BRINP3: variants seen among roughly 807,000 people sequenced by gnomAD.
BRINP3 encodes the protein BMP/retinoic acid-inducible neural-specific protein 3.
In BRINP3, 19 loss-of-function variants were observed where a neutral mutation model predicts 71.0. The observed-to-expected ratio is 0.27, with a 90% CI of 0.19 to 0.39. BRINP3 has a LOEUF of 0.39. BRINP3 is among the 10% of genes least tolerant of loss of function. The pLI is 1.00. For missense variants in BRINP3, 959 were observed against 940.8 expected, an observed-to-expected ratio of 1.02 and a Z score of -0.25; for synonymous variants, 380 against 337.7, an observed-to-expected ratio of 1.13 and a Z score of -1.37.
intron 6 of BRINP3, among the ~76,000 whole-genome samples, chr1:190,188,694 A>G (rs1207262261): frequency 1.3e-5 from 2 of 150,232 alleles, no homozygotes; most frequent in Non-Finnish European, 3.0e-5. Flanking sequence ...TATCCCTGGG[A>G]TAAATCCCAC....
chr1:190,276,178 A>G (rs1662536826), intron 3 of BRINP3, among the ~76,000 whole-genome samples: 1 of 151,604 alleles, frequency 6.6e-6, no homozygotes, highest in African/African-American at 2.4e-5. Flanking sequence ...AAGTAATTCT[A>G]TGCATCTCAA....
intron 2 of BRINP3, among the ~76,000 whole-genome samples, chr1:190,408,831 T>A (rs1672473150): frequency 6.6e-6 from 1 of 152,160 alleles, no homozygotes; most frequent in African/African-American, 2.4e-5. Context: ...GTTAACCATC[T>A]TAGTTGGAAT....
chr1:190,411,549 T>C (rs1324787200), intron 2 of BRINP3, among the ~76,000 whole-genome samples: 1 of 152,184 alleles, frequency 6.6e-6, no homozygotes, highest in Non-Finnish European at 1.5e-5. Flanking sequence ...ACAGTTTGTG[T>C]AATTTTATAT....
intron 1 of BRINP3, among the ~76,000 whole-genome samples, chr1:190,464,356 C>T (rs910846043): frequency 6.6e-6 from 1 of 151,802 alleles, no homozygotes; most frequent in Admixed American, 6.6e-5. Flanking sequence ...CAAAGTAGGT[C>T]ATAAATTATT....
chr1:190,119,273 T>TTTA (rs141834144), intron 7 of BRINP3, among the ~76,000 whole-genome samples: 27 of 149,966 alleles, frequency 1.8e-4, no homozygotes, highest in Admixed American at 5.3e-4. Context: ...TTATTTTTAT[T>TTTA]TTATTATTAT....
intron 2 of BRINP3, among the ~76,000 whole-genome samples, chr1:190,416,570 T>C (rs1673015718): frequency 6.6e-6 from 1 of 152,176 alleles, no homozygotes; most frequent in East Asian, 1.9e-4. Flanking sequence ...TATAGTGTAG[T>C]AGGTGTCCAC....
At chr1:190,289,253 G>A (rs1416570655) in intron 2 of BRINP3, among the ~76,000 whole-genome samples, 1 of 151,790 alleles carries the variant, frequency 6.6e-6, no homozygotes, top group Non-Finnish European at 1.5e-5. Context: ...ACTCAATTCA[G>A]TAGAATTTAC....
intron 2 of BRINP3, among the ~76,000 whole-genome samples, chr1:190,432,953 TAAGATGTTTCATAAACATATATCA>T (rs1366305678): frequency 6.6e-6 from 1 of 152,182 alleles, no homozygotes; most frequent in East Asian, 1.9e-4. Context: ...ACATAGTTTA[TAAGATGTTTCATAAACATATATCA>T]ATTATAGTGT....
chr1:190,198,428 C>G (rs1048161085), intron 6 of BRINP3, among the ~76,000 whole-genome samples: 1 of 152,140 alleles, frequency 6.6e-6, no homozygotes, highest in Non-Finnish European at 1.5e-5. Flanking sequence ...AACTTTTATG[C>G]TCTGCTTTCC....
intron 6 of BRINP3, among the ~76,000 whole-genome samples, chr1:190,174,089 C>T (rs1282590754): frequency 6.6e-6 from 1 of 152,114 alleles, no homozygotes; most frequent in African/African-American, 2.4e-5. Context: ...AGAAGTACGG[C>T]TGCAAAGAAT....
At chr1:190,432,159 T>C (rs574655539) in intron 2 of BRINP3, among the ~76,000 whole-genome samples, 7 of 152,196 alleles carry the variant, frequency 4.6e-5, no homozygotes, top group Non-Finnish European at 1.0e-4. Context: ...TTTCTATCCA[T>C]ACTTTACTAC....
intron 3 of BRINP3, among the ~76,000 whole-genome samples, chr1:190,278,623 T>G (rs565242516): frequency 2.6e-5 from 4 of 151,782 alleles, no homozygotes; most frequent in Admixed American, 1.3e-4. Context: ...GAAAATAAAG[T>G]AATATTTTGA....
chr1:190,434,505 T>C (rs909147236), intron 2 of BRINP3, among the ~76,000 whole-genome samples: 6 of 152,028 alleles, frequency 3.9e-5, no homozygotes, highest in African/African-American at 1.4e-4. Context: ...TCAGGACTTA[T>C]TGAGGATCCC....
chr1:190,341,162 AT>A (rs1307843134), intron 2 of BRINP3, among the ~76,000 whole-genome samples: 1 of 151,852 alleles, frequency 6.6e-6, no homozygotes, highest in Non-Finnish European at 1.5e-5. Flanking sequence ...CAGAAAAGCA[AT>A]CAGCCACTAG....
At chr1:190,190,727 A>G (rs541478926) in intron 6 of BRINP3, among the ~76,000 whole-genome samples, 2 of 152,214 alleles carry the variant, frequency 1.3e-5, no homozygotes, top group South Asian at 2.1e-4. Flanking sequence ...GAAATAAAAT[A>G]CTTACTGTAT....
At chr1:190,331,428 A>C (rs1482296563) in intron 2 of BRINP3, among the ~76,000 whole-genome samples, 1 of 152,040 alleles carries the variant, frequency 6.6e-6, no homozygotes, top group African/African-American at 2.4e-5. Flanking sequence ...TAGTTTACCA[A>C]GAACTCTTCA....
intron 2 of BRINP3, among the ~76,000 whole-genome samples, chr1:190,378,379 C>T (rs1670313545): frequency 6.6e-6 from 1 of 152,108 alleles, no homozygotes; most frequent in African/African-American, 2.4e-5. Flanking sequence ...TACAGTAGCC[C>T]CTTTGCAACA....
At chr1:190,257,816 G>C (rs534879581) in intron 4 of BRINP3, among the ~76,000 whole-genome samples, 2 of 152,296 alleles carry the variant, frequency 1.3e-5, no homozygotes, top group Admixed American at 6.5e-5. Context: ...GGAGGCTGCA[G>C]AGCAGCAAAT....
chr1:190,456,350 G>C (rs1239491200), intron 1 of BRINP3, among the ~76,000 whole-genome samples: 1 of 152,158 alleles, frequency 6.6e-6, no homozygotes, highest in Non-Finnish European at 1.5e-5. Context: ...CATATGAGTT[G>C]CTCACTGAGG....
Sources: allele counts gnomAD v4.1 joint callset (sites outside exome capture counted in the v4.1 genomes callset), GRCh38; gene constraint gnomAD v4.1.1; transcripts MANE v1.5; gene names NCBI Gene and HGNC (gene_info 2026-07-23, HGNC 2026-07-21).